RNF20: variants seen among roughly 807,000 people sequenced by gnomAD.
RNF20 encodes the protein E3 ubiquitin-protein ligase BRE1A.
RNF20 carries 84 observed loss-of-function variants against 126.2 expected under a neutral mutation model. The ratio of observed to expected loss-of-function variants is 0.67; its 90% CI spans 0.56 to 0.80. RNF20 has a LOEUF of 0.80. Among genes scored for constraint, RNF20 ranks in the 30% least tolerant of loss-of-function variants. The pLI, the probability that RNF20 is intolerant of heterozygous loss-of-function variation, is 0.00. For synonymous variants in RNF20, 400 were observed against 414.3 expected, an observed-to-expected ratio of 0.97 and a Z score of 0.42; for missense variants, 869 against 1,188.2, an observed-to-expected ratio of 0.73 and a Z score of 3.95.
intron 10 of RNF20, 79 bp from the exon 11 acceptor site, chr9:101,551,605 T>C: frequency 1.5e-6 from 1 of 661,752 alleles, no homozygotes; most frequent in South Asian, 4.0e-5. Flanking sequence ...CTGGAAATTT[T>C]CAGAGTAATC....
rs1187464593 is a variant in RNF20 at position 101,540,209 on chromosome 9, C to G, written c.136C>G (p.Leu46Val). The G allele has an allele frequency of 6.2e-7, 1 of 1,613,944 alleles. No individual in the cohort carries two copies. Among genetic ancestry groups the G allele is most frequent in the Admixed American group, 1.7e-5 (1 of 60,006 alleles). The change falls in exon 3 of 20, where the codon CTA becomes GTA. Residue 46 changes from leucine (L) to valine (V), a missense_variant. Physicochemically the swap from Leu to Val is conservative, Grantham distance 32 (BLOSUM62 1). Transcript: ENST00000389120. ...CGATTGGTTTACTGGGCAGGAGGAACTAGACATTAGAACACTGCAAACCAA... is the reference window on the plus strand; with the variant it reads ...CGATTGGTTTACTGGGCAGGAGGAAGTAGACATTAGAACACTGCAAACCAA... The part of the protein sequence containing the change: ...KLGGVSSTEE[L>V]DIRTLQTKNR...
At chr9:101,546,203 A>G (rs1827345381) in intron 6 of RNF20, among the ~76,000 whole-genome samples, 2 of 152,182 alleles carry the variant, frequency 1.3e-5, no homozygotes, top group South Asian at 2.1e-4. Context: ...CACAAAGGGT[A>G]TATATAGATT....
At chr9:101,543,062 A>G (rs969174734) in intron 5 of RNF20, among the ~76,000 whole-genome samples, 2 of 152,252 alleles carry the variant, frequency 1.3e-5, no homozygotes, top group African/African-American at 2.4e-5. Context: ...TGGAATTTCT[A>G]CCACGCCATT....
chr9:101,553,818 G>A (rs935783493), intron 13 of RNF20, among the ~76,000 whole-genome samples, 170 bp from the exon 14 acceptor site: 6 of 152,130 alleles, frequency 3.9e-5, no homozygotes, highest in Non-Finnish European at 8.8e-5. Context: ...TACTTTCTAA[G>A]CATATCCAAA....
Position 101,552,706 on chromosome 9 carries a change from A to G in RNF20, c.1854A>G (p.Gly618=). 3.1e-6 allele frequency: 5 copies of G among 1,593,626 alleles called. No individual in the cohort carries two copies. Among genetic ancestry groups the G allele is most frequent in the Non-Finnish European group, 4.3e-6 (5 of 1,162,158 alleles). ...AAGAGAAAGGCAAACATGATGATGG[A>G]CGGAAAAAGGAAGCAGAAATTATCA... The part of the protein sequence containing the change: ...KDKEKGKHDD[G]RKKEAEIIKQ... The change falls in exon 13 of 20, where the codon GGA becomes GGG. Residue 618 remains glycine (G), a synonymous_variant. Transcript: ENST00000389120.
At chr9:101,559,427 C>T (rs913375841) in intron 16 of RNF20, among the ~76,000 whole-genome samples, 9 of 151,910 alleles carry the variant, frequency 5.9e-5, no homozygotes, top group South Asian at 2.1e-4. Flanking sequence ...GTTCTAGTTC[C>T]GTGAAGAATG....
intron 19 of RNF20, 77 bp downstream of exon 19, chr9:101,562,088 T>C: frequency 7.6e-7 from 1 of 1,315,508 alleles, no homozygotes; most frequent in Non-Finnish European, 1.1e-6. Context: ...ATAATTTGCA[T>C]GATAGTAACC....
chr9:101,561,296 A>C, intron 18 of RNF20, 66 bp downstream of exon 18: 4 of 1,507,934 alleles, frequency 2.7e-6, no homozygotes, highest in Non-Finnish European at 3.6e-6. Flanking sequence ...GACCCATATC[A>C]TGAAAGAATC....
At chr9:101,540,752 A>T in intron 4 of RNF20, 41 bp from the exon 5 acceptor site, 1 of 1,594,456 alleles carries the variant, frequency 6.3e-7, no homozygotes, top group Non-Finnish European at 8.5e-7. Context: ...TTTCCAGTTT[A>T]TAATTTTGGG....
At chr9:101,538,700 G>C (rs1042894085) in intron 2 of RNF20, among the ~76,000 whole-genome samples, 1 of 152,068 alleles carries the variant, frequency 6.6e-6, no homozygotes, top group African/African-American at 2.4e-5. Flanking sequence ...TGGTACAGTG[G>C]GAAAACTGTT....
chr9:101,550,579 T>C, intron 9 of RNF20, 27 bp from the exon 10 acceptor site: 1 of 1,602,012 alleles, frequency 6.2e-7, no homozygotes, highest in Admixed American at 1.7e-5. Flanking sequence ...AGATTCTGCT[T>C]CTGACTTTGC....
At chr9:101,547,326 A>C in intron 8 of RNF20, 73 bp from the exon 9 acceptor site, 1 of 1,605,424 alleles carries the variant, frequency 6.2e-7, no homozygotes, top group Non-Finnish European at 8.5e-7. Context: ...ATAGCGAATC[A>C]GTGAAGAAAG....
At chr9:101,540,409 C>A in intron 3 of RNF20, 39 bp downstream of exon 3, 1 of 1,612,170 alleles carries the variant, frequency 6.2e-7, no homozygotes, top group Non-Finnish European at 8.5e-7. Flanking sequence ...TTTATTTGAC[C>A]AATTTAGTTC....
chr9:101,544,725 A>G, intron 5 of RNF20, 42 bp from the exon 6 acceptor site: 1 of 1,285,554 alleles, frequency 7.8e-7, no homozygotes, highest in Middle Eastern at 1.9e-4. Context: ...AAAAAAAATG[A>G]CACTCTAGAT....
At position 101,562,226 on chromosome 9, in the gene RNF20, C is replaced by CT. The variant is rs1281993481; in HGVS notation, c.2752-19dup. 6.2e-7 allele frequency: 1 copy of CT among 1,604,108 alleles called. No homozygotes were observed. The highest frequency in any genetic ancestry group is 8.5e-7 in the Non-Finnish European group (1 of 1,173,172). On this transcript the variant is annotated intron_variant, in intron 19 of 19. Coordinates refer to ENST00000389120, the MANE Select transcript of RNF20 (RefSeq NM_019592.7). ...ATAAACTTTCATGGTTGTTCAAACT[C>CT]TGACATCTTTTCTTTTTAGGCACGC...
intron 6 of RNF20, among the ~76,000 whole-genome samples, chr9:101,545,157 G>C (rs1827327990): frequency 6.6e-6 from 1 of 152,194 alleles, no homozygotes. Flanking sequence ...GGAATTTGAG[G>C]AATGTCAATT....
rs1028484658 is a variant in RNF20 at position 101,550,750 on chromosome 9, A to C, written c.1237A>C (p.Arg413=). ...GGCTCGGACCCTGCTTCATGGCACC[A>C]GAGGAACCCACCAGCACCAGGTTGA... ...DEARTLLHGT[R]GTHQHQVELI... is the part of the protein sequence containing the mutation. The change falls in exon 10 of 20, where the codon AGA becomes CGA. Residue 413 remains arginine (R), a synonymous_variant. Coordinates refer to ENST00000389120, the MANE Select transcript of RNF20 (RefSeq NM_019592.7). 6 of 1,614,094 alleles carry C rather than the reference A, an allele frequency of 3.7e-6. No individual in the cohort carries two copies. In the Admixed American group the frequency reaches 8.3e-5, roughly 22 times the overall value.
chr9:101,561,889 G>C, intron 18 of RNF20, 21 bp from the exon 19 acceptor site: 1 of 1,516,162 alleles, frequency 6.6e-7, no homozygotes. Flanking sequence ...TGTGTCTAAT[G>C]GGTATGCTAT....
chr9:101,546,805 G>A lies in RNF20; in HGVS notation c.748-15G>A, dbSNP rs756055692. The A allele has an allele frequency of 3.7e-6, 6 of 1,613,698 alleles. No homozygotes were observed. Among genetic ancestry groups the A allele is most frequent in the Admixed American group, 1.7e-5 (1 of 59,990 alleles). On this transcript the variant is annotated splice_polypyrimidine_tract_variant and intron_variant, in intron 6 of 19. Coordinates refer to ENST00000389120, the MANE Select transcript of RNF20 (RefSeq NM_019592.7). ...TTTTGCTATATGTTTCTGAATGTTT[G>A]TCTTTGGGATGTAGTTCTCCAAGTT...
Sources: allele counts gnomAD v4.1 joint callset (sites outside exome capture counted in the v4.1 genomes callset), GRCh38; gene constraint gnomAD v4.1.1; transcripts MANE v1.5; gene names NCBI Gene and HGNC (gene_info 2026-07-23, HGNC 2026-07-21).